The following ZEB1 variants were observed in gnomAD, a reference collection of about 807,000 sequenced individuals.
ZEB1 encodes zinc finger E-box binding homeobox 1.
In ZEB1, 21 loss-of-function variants were observed where a neutral mutation model predicts 84.9. The ratio of observed to expected loss-of-function variants is 0.25; its 90% CI spans 0.18 to 0.36. ZEB1 has a LOEUF of 0.36. Among genes scored for constraint, ZEB1 ranks in the 10% least tolerant of loss-of-function variants. The pLI is 1.00. For synonymous variants in ZEB1, 420 were observed against 471.1 expected (o/e 0.89, Z 1.41); for missense variants, 1,104 against 1,330.2 (o/e 0.83, Z 2.65).
chr10:31,474,029 CCCTTCCTTACA>C (rs2063688263), intron 2 of ZEB1, among the ~76,000 whole-genome samples: 1 of 152,166 alleles, frequency 6.6e-6, no homozygotes, highest in African/African-American at 2.4e-5. Flanking sequence ...GAAACTGGAT[CCCTTCCTTACA>C]CCTTATACAA....
chr10:31,441,887 T>C (rs1331615274), intron 1 of ZEB1, among the ~76,000 whole-genome samples: 1 of 152,164 alleles, frequency 6.6e-6, no homozygotes, highest in East Asian at 1.9e-4. Flanking sequence ...AGAATGGCAA[T>C]CATTAAAAAG....
chr10:31,492,686 G>A (rs530240930), intron 2 of ZEB1, among the ~76,000 whole-genome samples: 4 of 151,790 alleles, frequency 2.6e-5, no homozygotes, highest in Non-Finnish European at 4.4e-5. Context: ...GAAACACATG[G>A]GTGTGAATTT....
chr10:31,378,180 C>A lies in ZEB1; in HGVS notation c.58+58888C>A, dbSNP rs952568254. Among the ~76,000 whole-genome samples the A allele has an allele frequency of 3.3e-5, 5 of 151,538 alleles. No individual in the cohort carries two copies. The South Asian group carries it at 1.0e-3, about 31-fold the overall frequency. ...CACTGAATCACTACTCCTAAAAAGG[C>A]GGGAGAGTATTTGTGATCTGCTCAC... On this transcript the variant is annotated intron_variant, in intron 1 of 8. Coordinates refer to ENST00000424869, the MANE Select transcript of ZEB1 (RefSeq NM_001174096.2).
intron 1 of ZEB1, among the ~76,000 whole-genome samples, chr10:31,449,191 A>T (rs2060212567): frequency 6.6e-6 from 1 of 152,084 alleles, no homozygotes; most frequent in Non-Finnish European, 1.5e-5. Context: ...TGCGTCTGTC[A>T]CCCCTTTCTT....
rs146821579 is a variant in ZEB1, at chr10:31,521,369, A to G, written c.2037A>G (p.Gln679=). Residue 679 remains glutamine, a synonymous_variant, in exon 7 of 9, where the codon CAA becomes CAG. Transcript: ENST00000424869. ...CCCAGGACAGCACAGTAAATCTACA[A>G]AGTCCTTTGAAGATGACTAACTCCC... ...NEPQDSTVNL[Q]SPLKMTNSPV... The G allele has an allele frequency of 1.1e-5, 17 of 1,613,954 alleles. No individual in the cohort carries two copies. Among genetic ancestry groups the G allele is most frequent in the Non-Finnish European group, 1.4e-5 (17 of 1,180,010 alleles).
At chr10:31,318,836 G>A (rs923488188), upstream of ZEB1, 3 of 340,302 alleles carry the variant, frequency 8.8e-6, no homozygotes, top group Admixed American at 3.9e-5. Flanking sequence ...CCCTGCCCCG[G>A]GCAGCCGCGG....
At chr10:31,450,401 T>C (rs534681314) in intron 1 of ZEB1, among the ~76,000 whole-genome samples, 1 of 151,416 alleles carries the variant, frequency 6.6e-6, no homozygotes, top group East Asian at 1.9e-4. Flanking sequence ...TTTTTTCTGT[T>C]GGAAAGATAT....
intron 6 of ZEB1, among the ~76,000 whole-genome samples, chr10:31,515,149 A>G (rs1013288999): frequency 1.3e-5 from 2 of 152,084 alleles, no homozygotes; most frequent in East Asian, 3.9e-4. Context: ...GAGCTGATAT[A>G]GAGGCAATGA....
chr10:31,331,735 G>A (rs2036840117), intron 1 of ZEB1, among the ~76,000 whole-genome samples: 1 of 152,172 alleles, frequency 6.6e-6, no homozygotes, highest in Admixed American at 6.5e-5. Context: ...TCCATACAGG[G>A]GGAATATTAT....
intron 1 of ZEB1, among the ~76,000 whole-genome samples, chr10:31,380,143 C>G (rs955273853): frequency 5.3e-5 from 8 of 152,072 alleles, no homozygotes; most frequent in Non-Finnish European, 8.8e-5. Flanking sequence ...TTTCCCACCA[C>G]TTGTTTACCT....
intron 1 of ZEB1, among the ~76,000 whole-genome samples, chr10:31,413,528 A>C (rs898585584): frequency 6.6e-6 from 1 of 152,152 alleles, no homozygotes; most frequent in African/African-American, 2.4e-5. Flanking sequence ...AGAAATAGAA[A>C]GCAAAACCTA....
At chr10:31,335,798 G>T (rs184219077) in intron 1 of ZEB1, among the ~76,000 whole-genome samples, 88 of 152,168 alleles carry the variant, frequency 5.8e-4, no homozygotes, top group Admixed American at 2.2e-3. Context: ...AAGATACAAT[G>T]ATTAGAAAGA....
At chr10:31,515,051 G>C (rs1262215484) in intron 6 of ZEB1, among the ~76,000 whole-genome samples, 1 of 152,042 alleles carries the variant, frequency 6.6e-6, no homozygotes, top group East Asian at 1.9e-4. Flanking sequence ...AGAGTATAGA[G>C]ATACGATTTG....
At chr10:31,505,724 T>G (rs561442735) in intron 4 of ZEB1, among the ~76,000 whole-genome samples, 6 of 152,136 alleles carry the variant, frequency 3.9e-5, no homozygotes, top group Admixed American at 3.9e-4. Flanking sequence ...TTATTTGTGT[T>G]GTTTTTTAGT....
intron 1 of ZEB1, among the ~76,000 whole-genome samples, chr10:31,370,788 G>T (rs574512221): frequency 1.8e-4 from 27 of 152,268 alleles, no homozygotes; most frequent in African/African-American, 6.5e-4. Context: ...TGATTTTTCT[G>T]CCAGCTAGTT....
chr10:31,409,396 C>T lies in ZEB1; in HGVS notation c.59-51641C>T, dbSNP rs184246759. Among the ~76,000 whole-genome samples the T allele has an allele frequency of 2.8e-3, 422 of 152,254 alleles. 2 individuals carry two copies. The highest frequency in any genetic ancestry group is 4.8e-3 in the Non-Finnish European group (325 of 68,008). On this transcript the variant is annotated intron_variant, in intron 1 of 8. Coordinates refer to ENST00000424869, the MANE Select transcript of ZEB1 (RefSeq NM_001174096.2). ...TATATGTTTTGATACCAGTACCATG[C>T]TGTTTTGGTTACTGTAGCCTTGTAG...
Position 31,521,531 on chromosome 10 carries a change from A to G in ZEB1, c.2199A>G (p.Val733=). 1 of 1,614,150 alleles carries G rather than the reference A, an allele frequency of 6.2e-7. No individual in the cohort carries two copies. The highest frequency in any genetic ancestry group is 8.5e-7 in the Non-Finnish European group (1 of 1,180,022). The stretch of plus-strand genomic sequence containing the variant: ...AGGGTGCACAAGAAGAGCCACAAGT[A>G]GAACCTCTTGATCTTTCACTACCAA... ...TAEGAQEEPQ[V]EPLDLSLPKQ... The change falls in exon 7 of 9, where the codon GTA becomes GTG. Residue 733 remains valine, a synonymous_variant. Transcript: ENST00000424869.
chr10:31,518,170 C>G (rs568560190), intron 6 of ZEB1, among the ~76,000 whole-genome samples: 5 of 152,048 alleles, frequency 3.3e-5, no homozygotes, highest in African/African-American at 9.7e-5. Context: ...TGTTTTACCC[C>G]CACTGGAAAC....
At chr10:31,408,596 C>CATT (rs2053604347) in intron 1 of ZEB1, among the ~76,000 whole-genome samples, 1 of 145,978 alleles carries the variant, frequency 6.9e-6, no homozygotes, top group Admixed American at 6.7e-5. Context: ...CGCCGCATAT[C>CATT]TACAACTATC....
Sources: gnomAD v4.1 joint callset for allele counts (sites outside exome capture counted in the v4.1 genomes callset) on GRCh38, gnomAD v4.1.1 for gene constraint, MANE v1.5 for transcripts, NCBI Gene and HGNC (gene_info 2026-07-23, HGNC 2026-07-21) for gene names.